Variants in PTPRT observed in about 807,000 individuals in gnomAD.
PTPRT encodes receptor-type tyrosine-protein phosphatase T.
PTPRT carries 56 observed loss-of-function variants against 176.8 expected under a neutral mutation model. The ratio of observed to expected loss-of-function variants is 0.32; its 90% CI spans 0.26 to 0.40. The LOEUF is 0.40. Among genes scored for constraint, PTPRT ranks in the 10% least tolerant of loss-of-function variants. PTPRT has a pLI of 1.00. For missense variants in PTPRT, 1,540 were observed against 1,908.2 expected, an observed-to-expected ratio of 0.81 and a Z score of 3.60; for synonymous variants, 783 against 739.0, an observed-to-expected ratio of 1.06 and a Z score of -0.96.
chr20:42,723,299 C>T (rs1345778678), intron 6 of PTPRT, among the ~76,000 whole-genome samples: 1 of 152,146 alleles, frequency 6.6e-6, no homozygotes, highest in Non-Finnish European at 1.5e-5. Flanking sequence ...ACACCAAGAA[C>T]ACACAGAAAA....
At chr20:42,764,447 G>A (rs771762772) in intron 5 of PTPRT, among the ~76,000 whole-genome samples, 11 of 152,032 alleles carry the variant, frequency 7.2e-5, no homozygotes, top group Middle Eastern at 3.2e-3. Flanking sequence ...CTGGTTCAGC[G>A]GCCAATAAAT....
At chr20:42,675,616 A>G (rs2075488975) in intron 7 of PTPRT, among the ~76,000 whole-genome samples, 1 of 152,216 alleles carries the variant, frequency 6.6e-6, no homozygotes, top group African/African-American at 2.4e-5. Context: ...TTAACAGTAA[A>G]AAAGAATAAA....
chr20:42,667,511 T>C (rs996851901), intron 7 of PTPRT, among the ~76,000 whole-genome samples: 1 of 152,230 alleles, frequency 6.6e-6, no homozygotes, highest in African/African-American at 2.4e-5. Flanking sequence ...TGAACTCTAA[T>C]TTTAATATAT....
chr20:42,546,805 C>G (rs1467471666), intron 7 of PTPRT, among the ~76,000 whole-genome samples: 4 of 152,078 alleles, frequency 2.6e-5, no homozygotes, highest in Admixed American at 6.6e-5. Context: ...AATGGATGGT[C>G]AGTGGACAGT....
At chr20:42,128,953 C>G (rs1027857688) in intron 18 of PTPRT, 123 bp from the exon 19 acceptor site, 7 of 655,494 alleles carry the variant, frequency 1.1e-5, no homozygotes, top group African/African-American at 7.5e-5. Context: ...TCATTTAACT[C>G]TCAACACCAC....
chr20:42,425,791 G>T (rs561614058), intron 9 of PTPRT, among the ~76,000 whole-genome samples: 4 of 152,264 alleles, frequency 2.6e-5, no homozygotes, highest in Middle Eastern at 3.4e-3. Context: ...TAATGACTGA[G>T]ATGATTGAGG....
chr20:43,020,425 C>T (rs1985618337), intron 1 of PTPRT, among the ~76,000 whole-genome samples: 2 of 151,992 alleles, frequency 1.3e-5, no homozygotes, highest in South Asian at 4.2e-4. Flanking sequence ...GTGCATGCAT[C>T]AGGGAAAGGG....
intron 1 of PTPRT, among the ~76,000 whole-genome samples, chr20:43,103,734 T>C (rs1282651402): frequency 7.7e-6 from 1 of 130,660 alleles, no homozygotes; most frequent in African/African-American, 3.0e-5. Flanking sequence ...TTTCATTTCA[T>C]GGAGAGGGGA....
At chr20:42,726,170 C>T (rs2076378463) in intron 6 of PTPRT, among the ~76,000 whole-genome samples, 1 of 151,728 alleles carries the variant, frequency 6.6e-6, no homozygotes, top group African/African-American at 2.4e-5. Context: ...ACCTCTGCGT[C>T]CCAGGTTCAA....
intron 7 of PTPRT, among the ~76,000 whole-genome samples, chr20:42,667,286 G>T (rs942395621): frequency 4.6e-5 from 7 of 152,116 alleles, no homozygotes; most frequent in South Asian, 2.1e-4. Flanking sequence ...GTGGCCTTGG[G>T]CAAGTCACCT....
At chr20:42,932,366 G>A (rs542618739) in intron 1 of PTPRT, among the ~76,000 whole-genome samples, 26 of 152,354 alleles carry the variant, frequency 1.7e-4, no homozygotes, top group African/African-American at 3.4e-4. Flanking sequence ...CAGGCTGCAC[G>A]TGAAGGTGTC....
chr20:42,864,509 C>T (rs2078713550), intron 2 of PTPRT, among the ~76,000 whole-genome samples: 2 of 152,216 alleles, frequency 1.3e-5, no homozygotes. Flanking sequence ...ACGCACCAAA[C>T]ATTTTGTTCT....
chr20:42,077,716 T>C lies in PTPRT; in HGVS notation c.*3163A>G, dbSNP rs1065155. ...GCACTGGCCTAAGACCTATTCACTG[T>C]CCTGCTTTAGAGAATGGTTGGGTTG... On this transcript the variant is annotated 3_prime_UTR_variant, in exon 31 of 31. Coordinates refer to ENST00000373187, the MANE Select transcript of PTPRT (RefSeq NM_007050.6). 0.77 allele frequency: 164,083 copies of C among 213,742 alleles called. 63,176 individuals are homozygous for C. The highest frequency in any genetic ancestry group is 0.86 in the South Asian group (4,626 of 5,372). The allele number at this position is 213,742 out of a possible 1,614,324, so 13.2% of individuals were successfully genotyped here.
chr20:43,009,230 C>T (rs1237060530), intron 1 of PTPRT, among the ~76,000 whole-genome samples: 2 of 152,176 alleles, frequency 1.3e-5, no homozygotes, highest in Non-Finnish European at 2.9e-5. Context: ...TAAACATAGA[C>T]AATATTTCAT....
At chr20:42,988,773 G>T (rs1243696091) in intron 1 of PTPRT, among the ~76,000 whole-genome samples, 1 of 152,170 alleles carries the variant, frequency 6.6e-6, no homozygotes, top group African/African-American at 2.4e-5. Flanking sequence ...TGGCCTCAGG[G>T]GTAAAGAGTC....
At chr20:42,136,562 G>C (rs1479715604) in intron 18 of PTPRT, among the ~76,000 whole-genome samples, 4 of 152,100 alleles carry the variant, frequency 2.6e-5, no homozygotes, top group Admixed American at 6.5e-5. Context: ...GTGGGGTCCT[G>C]GGAGGAGCTG....
intron 7 of PTPRT, among the ~76,000 whole-genome samples, chr20:42,504,969 G>C (rs575453550): frequency 6.6e-6 from 1 of 151,994 alleles, no homozygotes; most frequent in Non-Finnish European, 1.5e-5. Flanking sequence ...GCCTCCATTC[G>C]ATAGGTCCGA....
chr20:42,143,281 C>T (rs967488126), intron 17 of PTPRT, among the ~76,000 whole-genome samples: 5 of 151,874 alleles, frequency 3.3e-5, no homozygotes, highest in South Asian at 2.1e-4. Context: ...AGTGGCCAGG[C>T]GCGATGGCTC....
At chr20:43,047,502 G>T (rs2425567) in intron 1 of PTPRT, among the ~76,000 whole-genome samples, 5 of 151,750 alleles carry the variant, frequency 3.3e-5, no homozygotes, top group African/African-American at 9.7e-5. Context: ...TCACTCTTGG[G>T]GGGCAGGAAA....
Sources: gnomAD v4.1 joint callset for allele counts (sites outside exome capture counted in the v4.1 genomes callset) on GRCh38, gnomAD v4.1.1 for gene constraint, MANE v1.5 for transcripts, NCBI Gene and HGNC (gene_info 2026-07-23, HGNC 2026-07-21) for gene names.